Variants in C2orf92 observed in about 807,000 individuals in gnomAD.
C2orf92 encodes the protein uncharacterized protein C2orf92.
intron 3 of C2orf92, among the ~76,000 whole-genome samples, chr2:97,683,542 A>G (rs983184872): frequency 1.3e-5 from 2 of 151,746 alleles, no homozygotes; most frequent in South Asian, 2.1e-4. Flanking sequence ...ATCTATTAAA[A>G]AAAAAAAAAA....
chr2:97,677,884 G>C (rs1675634705), intron 3 of C2orf92: 1 of 152,106 alleles, frequency 6.6e-6, no homozygotes. Flanking sequence ...TTATTGAAAA[G>C]AGCCAAAGAA....
intron 3 of C2orf92, among the ~76,000 whole-genome samples, chr2:97,678,041 A>T (rs531511170): frequency 6.6e-6 from 1 of 152,212 alleles, no homozygotes; most frequent in Admixed American, 6.5e-5. Flanking sequence ...TCTACTAAAA[A>T]TACAAAAAAT....
intron 3 of C2orf92, among the ~76,000 whole-genome samples, chr2:97,682,311 A>G (rs1675802138): frequency 6.6e-6 from 1 of 152,218 alleles, no homozygotes; most frequent in Non-Finnish European, 1.5e-5. Flanking sequence ...AGGAGAATGA[A>G]TCAGTAATCA....
intron 7 of C2orf92, chr2:97,701,975 G>C (rs1440504813): frequency 6.6e-6 from 1 of 152,314 alleles, no homozygotes; most frequent in East Asian, 1.9e-4. Context: ...CTCACCATGA[G>C]CAGGCGCTAG....
intron 6 of C2orf92, among the ~76,000 whole-genome samples, chr2:97,699,993 G>A (rs1358500791): frequency 6.6e-6 from 1 of 152,146 alleles, no homozygotes; most frequent in Non-Finnish European, 1.5e-5. Flanking sequence ...CTACATAACC[G>A]GCTGCCCTGG....
chr2:97,696,712 G>A (rs1476210916), intron 5 of C2orf92, among the ~76,000 whole-genome samples: 1 of 152,198 alleles, frequency 6.6e-6, no homozygotes, highest in African/African-American at 2.4e-5. Flanking sequence ...CTCCAGCCTG[G>A]GGGACAGAGA....
chr2:97,682,550 G>C (rs766221343), intron 3 of C2orf92, among the ~76,000 whole-genome samples: 7 of 152,016 alleles, frequency 4.6e-5, no homozygotes, highest in Non-Finnish European at 7.4e-5. Context: ...AATATAAACA[G>C]AAAAATCCTC....
rs977871518 is a variant in C2orf92, at chr2:97,701,324, C to A, written c.665+20C>A. 3 of 398,728 alleles carry A rather than the reference C, an allele frequency of 7.5e-6. No individual in the cohort carries two copies. The highest frequency in any genetic ancestry group is 6.2e-5 in the African/African-American group (3 of 48,630). 24.7% of individuals were successfully genotyped at this position (398,728 alleles called of 1,614,324 possible). A position where few individuals can be genotyped will look rare whatever the true frequency, so the allele number is the denominator to read the frequency against. On this transcript the variant is annotated intron_variant, in intron 7 of 7. Transcript: ENST00000627399. ...GCCATCGTGCGTGGTGCTGGCATAA[C>A]CTTCCTTCCAAGAACCCGCGGGTGT...
intron 3 of C2orf92, among the ~76,000 whole-genome samples, chr2:97,679,540 A>G (rs572269847): frequency 2.0e-4 from 30 of 152,296 alleles, no homozygotes; most frequent in African/African-American, 6.0e-4. Flanking sequence ...ATGGAACAAA[A>G]GAGTAAAAGA....
intron 6 of C2orf92, among the ~76,000 whole-genome samples, chr2:97,700,736 T>G (rs965403913): frequency 1.3e-5 from 2 of 151,778 alleles, no homozygotes; most frequent in African/African-American, 4.8e-5. Flanking sequence ...TTTTGTTTTT[T>G]TTTTTGAGAT....
chr2:97,701,400 G>A, intron 7 of C2orf92, 96 bp downstream of exon 7: 1 of 393,896 alleles, frequency 2.5e-6, no homozygotes, highest in Non-Finnish European at 4.5e-6. Flanking sequence ...TTACGAGGAG[G>A]GCAGAAGCTG....
At position 97,688,878 on chromosome 2, in the gene C2orf92, T is replaced by C. The variant is rs1173402779; in HGVS notation, c.233-17T>C. On this transcript the variant is annotated splice_polypyrimidine_tract_variant and intron_variant, in intron 3 of 7. Transcript: ENST00000627399. Reference sequence around the variant, plus strand: ...CTGCGTTGCTGTATTAACATGCCTTTGTTTGCTCCACTGGAGATGAAATTC... The same window carrying C: ...CTGCGTTGCTGTATTAACATGCCTTCGTTTGCTCCACTGGAGATGAAATTC... The C allele has an allele frequency of 7.5e-6, 3 of 398,514 alleles. No individual in the cohort carries two copies. The highest frequency in any genetic ancestry group is 1.3e-5 in the Non-Finnish European group (3 of 226,076). 24.7% of individuals were successfully genotyped at this position (398,514 alleles called of 1,614,324 possible). A position where few individuals can be genotyped will look rare whatever the true frequency, so the allele number is the denominator to read the frequency against.
intron 3 of C2orf92, among the ~76,000 whole-genome samples, chr2:97,678,047 A>G (rs1675637996): frequency 6.6e-6 from 1 of 152,044 alleles, no homozygotes; most frequent in East Asian, 1.9e-4. Flanking sequence ...AAAAATACAA[A>G]AAATTAGCAG....
intron 3 of C2orf92, among the ~76,000 whole-genome samples, chr2:97,682,401 C>T (rs1235182915): frequency 1.3e-5 from 2 of 152,080 alleles, no homozygotes; most frequent in African/African-American, 4.8e-5. Context: ...GAACTAACAC[C>T]AGTCCTCAAA....
intron 3 of C2orf92, among the ~76,000 whole-genome samples, chr2:97,684,930 A>T (rs1559301624): frequency 1.9e-5 from 2 of 107,030 alleles, no homozygotes; most frequent in African/African-American, 5.4e-5. Flanking sequence ...TTTATTTTTT[A>T]TTTTTATTTT....
chr2:97,675,608 T>G (rs1480118403), intron 2 of C2orf92: 7 of 378,594 alleles, frequency 1.8e-5, no homozygotes, highest in Non-Finnish European at 3.3e-5. Flanking sequence ...CTCTCAATGC[T>G]TATGCATATT....
At position 97,701,253 on chromosome 2, in the gene C2orf92, T is replaced by A. The variant is rs1676487059; in HGVS notation, c.614T>A (p.Ile205Asn). Residue 205 changes from isoleucine to asparagine, a missense_variant, in exon 7 of 8, where the codon ATC becomes AAC. Physicochemically the swap from Ile to Asn is moderately radical, Grantham distance 149 (BLOSUM62 -3). Coordinates refer to ENST00000627399, the MANE Select transcript of C2orf92 (RefSeq NM_001351368.2). ...TCAGGGGTGGCCATCCTCATGGCCA[T>A]CGTGCTGTTGCTGCTTGGGTTGGCC... ...AVSGVAILMAIVLLLLGLASY... is the reference protein window; with the variant it reads ...AVSGVAILMANVLLLLGLASY... 2.5e-6 allele frequency: 1 copy of A among 399,014 alleles called. No homozygotes were observed. 24.7% of individuals were successfully genotyped at this position (399,014 alleles called of 1,614,324 possible).
chr2:97,682,832 A>G (rs989755380), intron 3 of C2orf92, among the ~76,000 whole-genome samples: 2 of 152,148 alleles, frequency 1.3e-5, no homozygotes, highest in Non-Finnish European at 2.9e-5. Context: ...ACGTAATAAA[A>G]GCCTGTTTGA....
intron 3 of C2orf92, among the ~76,000 whole-genome samples, chr2:97,682,238 A>G (rs545159093): frequency 6.2e-4 from 95 of 152,348 alleles, no homozygotes; most frequent in Non-Finnish European, 1.1e-3. Flanking sequence ...TCCTGGAAGC[A>G]CACGAACTAC....
Sources: allele counts gnomAD v4.1 joint callset (sites outside exome capture counted in the v4.1 genomes callset), GRCh38; gene constraint gnomAD v4.1.1; transcripts MANE v1.5; gene names NCBI Gene and HGNC (gene_info 2026-07-23, HGNC 2026-07-21).